The following DLGAP4 variants were observed in gnomAD, a reference collection of about 807,000 sequenced individuals.
DLGAP4 encodes the protein disks large-associated protein 4.
In DLGAP4, 18 loss-of-function variants were observed where a neutral mutation model predicts 86.9. The observed-to-expected ratio is 0.21, with a 90% CI of 0.14 to 0.31. The LOEUF is 0.31. Among genes scored for constraint, DLGAP4 ranks in the 10% least tolerant of loss-of-function variants. DLGAP4 has a pLI of 1.00. For missense variants in DLGAP4, 1,085 were observed against 1,362.6 expected, an observed-to-expected ratio of 0.80 and a Z score of 3.21; for synonymous variants, 548 against 574.3, an observed-to-expected ratio of 0.95 and a Z score of 0.65.
intron 2 of DLGAP4, among the ~76,000 whole-genome samples, chr20:36,401,600 T>C (rs1308334433): frequency 6.6e-6 from 1 of 152,234 alleles, no homozygotes; most frequent in Non-Finnish European, 1.5e-5. Context: ...AGTCCCTCAG[T>C]AGCTGCTGGG....
intron 2 of DLGAP4, among the ~76,000 whole-genome samples, chr20:36,368,341 C>G (rs1377933130): frequency 6.6e-6 from 1 of 152,230 alleles, no homozygotes; most frequent in African/African-American, 2.4e-5. Flanking sequence ...CCCAGCTTCC[C>G]TGATGGGATG....
chr20:36,374,297 A>C (rs919335060), intron 2 of DLGAP4, among the ~76,000 whole-genome samples: 3 of 152,132 alleles, frequency 2.0e-5, no homozygotes, highest in Non-Finnish European at 4.4e-5. Context: ...ATGTGCATAT[A>C]GGGGCTGTGG....
chr20:36,371,034 G>GGGT (rs2030910862), intron 2 of DLGAP4, among the ~76,000 whole-genome samples: 3 of 152,168 alleles, frequency 2.0e-5, no homozygotes, highest in African/African-American at 7.2e-5. Flanking sequence ...TGAGAGGACT[G>GGGT]AGACCTAAGT....
intron 2 of DLGAP4, among the ~76,000 whole-genome samples, chr20:36,404,750 G>GATGAATGAATGA (rs112826447): frequency 6.6e-6 from 1 of 151,358 alleles, no homozygotes; most frequent in African/African-American, 2.4e-5. Context: ...TTGTTGGTTG[G>GATGAATGAATGA]ATGAATGAAT....
intron 8 of DLGAP4, chr20:36,499,269 C>T: frequency 6.2e-7 from 1 of 1,613,858 alleles, no homozygotes; most frequent in South Asian, 1.1e-5. Flanking sequence ...CGGTTCCCAC[C>T]TCTCGGAGGA....
chr20:36,462,457 C>G (rs551288451), intron 7 of DLGAP4: 3 of 1,540,288 alleles, frequency 1.9e-6, no homozygotes, highest in African/African-American at 1.4e-5. Context: ...CTTGGCCCCC[C>G]CTTGCTTTTT....
At chr20:36,461,814 C>T in intron 7 of DLGAP4, 1 of 980,950 alleles carries the variant, frequency 1.0e-6, no homozygotes, top group Non-Finnish European at 1.2e-6. Flanking sequence ...GCCCGTGTCC[C>T]CGCTCCGCCC....
At chr20:36,470,976 C>T (rs2034635827) in intron 7 of DLGAP4, among the ~76,000 whole-genome samples, 2 of 152,178 alleles carry the variant, frequency 1.3e-5, no homozygotes, top group South Asian at 4.1e-4. Context: ...GCATGTGTAG[C>T]TGTCGGAGCC....
intron 1 of DLGAP4, among the ~76,000 whole-genome samples, chr20:36,338,201 C>A (rs2065341511): frequency 6.6e-6 from 1 of 152,160 alleles, no homozygotes; most frequent in Non-Finnish European, 1.5e-5. Flanking sequence ...TGGGCACTGG[C>A]AGGGACTCAC....
At chr20:36,467,416 G>T (rs975415599) in intron 7 of DLGAP4, among the ~76,000 whole-genome samples, 2 of 152,170 alleles carry the variant, frequency 1.3e-5, no homozygotes, top group African/African-American at 4.8e-5. Context: ...TTTTGCTGAG[G>T]CATCAGGGCT....
intron 2 of DLGAP4, among the ~76,000 whole-genome samples, chr20:36,416,951 A>G (rs755467652): frequency 1.2e-4 from 19 of 152,196 alleles, no homozygotes; most frequent in Non-Finnish European, 2.6e-4. Context: ...TTGTGCACCT[A>G]CTAGGTGCCA....
In DLGAP4 at chr20:36,308,587, G is replaced by A. The variant is rs555211211; in HGVS notation, c.-304+2075G>A. Among the ~76,000 whole-genome samples, 44 of 152,328 alleles carry A rather than the reference G, an allele frequency of 2.9e-4. No homozygotes were observed. Among genetic ancestry groups the A allele is most frequent in the African/African-American group, 1.0e-3 (43 of 41,568 alleles). ...AATGTGTGCTTTGGAGCTTTCGGGA[G>A]ACGCTGACGTATCGGATGTATCGGG... On this transcript the variant is annotated intron_variant, in intron 1 of 12. Transcript: ENST00000339266. The surrounding 1 kb of genome is among the most constrained non-coding windows in gnomAD (Gnocchi z 4.5).
rs1235099660 is a variant in DLGAP4 at position 36,393,704 on chromosome 20, G to T, written c.-73+26429G>T. The stretch of plus-strand genomic sequence containing the variant: ...GCACTTAGGAGGGAAGGAAAGGGGG[G>T]CTCTGTGCCTGCACCCTTTGTGGCA... On this transcript the variant is annotated intron_variant, in intron 2 of 12. Transcript: ENST00000339266. The surrounding 1 kb of genome is among the most constrained non-coding windows in gnomAD (Gnocchi z 4.4). 2.6e-5 allele frequency among the ~76,000 whole-genome samples: 4 copies of T among 152,182 alleles called. No individual in the cohort carries two copies. The highest frequency in any genetic ancestry group is 9.7e-5 in the African/African-American group (4 of 41,442).
intron 7 of DLGAP4, among the ~76,000 whole-genome samples, chr20:36,479,122 C>T (rs1235336629): frequency 6.6e-6 from 1 of 152,046 alleles, no homozygotes; most frequent in Non-Finnish European, 1.5e-5. Flanking sequence ...CAGATGTTAC[C>T]ATGTTGTGCT....
chr20:36,436,413 T>C, intron 4 of DLGAP4, 63 bp downstream of exon 4: 2 of 1,490,908 alleles, frequency 1.3e-6, no homozygotes, highest in Non-Finnish European at 1.8e-6. Flanking sequence ...CTACGAGTCT[T>C]GCTCCCTGGG....
At chr20:36,346,113 C>T (rs988515115) in intron 1 of DLGAP4, among the ~76,000 whole-genome samples, 10 of 152,128 alleles carry the variant, frequency 6.6e-5, no homozygotes, top group African/African-American at 2.4e-4. Context: ...GTCAGAGGGC[C>T]TTGAAATTTA....
At chr20:36,372,170 A>G (rs1236074916) in intron 2 of DLGAP4, among the ~76,000 whole-genome samples, 1 of 152,190 alleles carries the variant, frequency 6.6e-6, no homozygotes, top group Non-Finnish European at 1.5e-5. Flanking sequence ...GAGTAGAAAC[A>G]TGTGGAGGGC....
intron 1 of DLGAP4, among the ~76,000 whole-genome samples, chr20:36,313,617 C>A (rs2065071766): frequency 6.6e-6 from 1 of 151,978 alleles, no homozygotes; most frequent in Non-Finnish European, 1.5e-5. Flanking sequence ...GGGGGCAGGG[C>A]CGTGGTCCAG....
At chr20:36,458,614 G>A (rs367717950) in intron 7 of DLGAP4, among the ~76,000 whole-genome samples, 24 of 152,068 alleles carry the variant, frequency 1.6e-4, no homozygotes, top group African/African-American at 4.8e-4. Flanking sequence ...CATGAGAATC[G>A]CTTGAGCCTG....
Sources: allele counts gnomAD v4.1 joint callset (sites outside exome capture counted in the v4.1 genomes callset), GRCh38; gene constraint gnomAD v4.1.1; non-coding constraint Gnocchi (gnomAD v3.1); transcripts MANE v1.5; gene names NCBI Gene and HGNC (gene_info 2026-07-23, HGNC 2026-07-21).